AP1G1: variants seen among roughly 807,000 people sequenced by gnomAD.
The protein encoded by AP1G1 is AP-1 complex subunit gamma-1.
AP1G1 carries 7 observed loss-of-function variants against 108.3 expected under a neutral mutation model. The observed-to-expected ratio is 0.06, with a 90% CI of 0.04 to 0.12. AP1G1 has a LOEUF of 0.12. Ranked by LOEUF, AP1G1 falls within the 10% of genes least tolerant of loss-of-function variation. AP1G1 has a pLI of 1.00. For missense variants in AP1G1, 756 were observed against 1,010.7 expected (o/e 0.75, Z 3.42); for synonymous variants, 379 against 353.5 (o/e 1.07, Z -0.81).
At chr16:71,805,389 C>T (rs903834367) in intron 1 of AP1G1, among the ~76,000 whole-genome samples, 3 of 150,224 alleles carry the variant, frequency 2.0e-5, no homozygotes, top group Non-Finnish European at 4.4e-5. Flanking sequence ...GTGGAGGTTG[C>T]ACAGTGAGCC....
chr16:71,746,502 A>G (rs755820794), intron 17 of AP1G1, 86 bp downstream of exon 17: 2 of 823,996 alleles, frequency 2.4e-6, no homozygotes, highest in Non-Finnish European at 3.8e-6. Flanking sequence ...AATAAAGCAC[A>G]AGGAATGAAT....
In AP1G1 at chr16:71,740,931, T is replaced by TCA. The variant is rs138589422; in HGVS notation, c.2000-1592_2000-1591dup. 9.2e-5 allele frequency among the ~76,000 whole-genome samples: 14 copies of TCA among 152,134 alleles called. No individual in the cohort carries two copies. The East Asian group carries it at 9.6e-4, about 10-fold the overall frequency. On this transcript the variant is annotated intron_variant, in intron 19 of 22. Coordinates refer to ENST00000299980, the MANE Select transcript of AP1G1 (RefSeq NM_001128.6). ...TGTTAAATGCTGTATAATAAAATTT[T>TCA]CACACACACACACGCACCCTGTGAG...
intron 2 of AP1G1, among the ~76,000 whole-genome samples, chr16:71,789,065 C>T (rs1358884783): frequency 2.0e-5 from 3 of 152,206 alleles, no homozygotes; most frequent in Non-Finnish European, 4.4e-5. Context: ...AACATTCTCT[C>T]ATCCGTATAA....
intron 19 of AP1G1, among the ~76,000 whole-genome samples, chr16:71,739,752 A>T (rs1325891453): frequency 6.6e-6 from 1 of 151,850 alleles, no homozygotes; most frequent in South Asian, 2.1e-4. Context: ...GTCGCAAAAA[A>T]AAAAAAAAAA....
intron 12 of AP1G1, 74 bp downstream of exon 12, chr16:71,755,945 C>T: frequency 6.6e-7 from 1 of 1,522,312 alleles, no homozygotes; most frequent in Non-Finnish European, 8.9e-7. Flanking sequence ...CGCCCAGCCC[C>T]CTCCCCATGT....
intron 1 of AP1G1, among the ~76,000 whole-genome samples, chr16:71,803,690 C>T (rs1379817921): frequency 6.6e-6 from 1 of 152,084 alleles, no homozygotes; most frequent in Non-Finnish European, 1.5e-5. Context: ...TTTGGGAGGC[C>T]AAGGCTGGTG....
chr16:71,737,005 A>G (rs1032379052), intron 21 of AP1G1, among the ~76,000 whole-genome samples: 3 of 152,190 alleles, frequency 2.0e-5, no homozygotes, highest in Non-Finnish European at 4.4e-5. Context: ...GCAGCAGCCT[A>G]AAGTAACAAG....
intron 21 of AP1G1, 130 bp downstream of exon 21, chr16:71,738,812 A>G (rs568896446): frequency 6.1e-6 from 5 of 820,370 alleles, no homozygotes; most frequent in South Asian, 3.9e-5. Flanking sequence ...AAGCTACATT[A>G]TTGTTAGTTT....
intron 9 of AP1G1, 69 bp from the exon 10 acceptor site, chr16:71,761,636 G>T (rs377758776): frequency 8.2e-7 from 1 of 1,214,578 alleles, no homozygotes; most frequent in Non-Finnish European, 1.2e-6. Context: ...GAGTTTAAAG[G>T]ATCACTTCAT....
chr16:71,788,287 A>G (rs556865562), intron 2 of AP1G1, among the ~76,000 whole-genome samples: 1 of 152,326 alleles, frequency 6.6e-6, no homozygotes, highest in Admixed American at 6.5e-5. Flanking sequence ...TATTTAGCAT[A>G]TAATACAATT....
rs1331671779 is a variant in AP1G1, at chr16:71,730,625, G to A, written c.*2433C>T. On this transcript the variant is annotated 3_prime_UTR_variant, in exon 23 of 23. Transcript: ENST00000299980. ...ATTCTGATCCTAGAAACTAAGGCAC[G>A]CTGAAGCTTTCAAAGATCCAATCAT... 6 of 152,606 alleles carry A rather than the reference G, an allele frequency of 3.9e-5. No individual in the cohort carries two copies. The highest frequency in any genetic ancestry group is 1.2e-4 in the African/African-American group (5 of 41,436). The allele number at this position is 152,606 out of a possible 1,614,324, so 9.5% of individuals were successfully genotyped here.
rs184474340 is a variant in AP1G1, at chr16:71,791,853, C to T, written c.-3-2371G>A. 4.8e-3 allele frequency among the ~76,000 whole-genome samples: 721 copies of T among 151,180 alleles called. 16 individuals carry two copies. Among genetic ancestry groups the T allele is most frequent in the South Asian group, 1.5e-3 (7 of 4,780 alleles). ...CTCGGCTCACTGCAACCTCCACCTC[C>T]TGGGTTCAAGCACTTCTCCTGCCTC... is the stretch of plus-strand genomic sequence containing the variant. On this transcript the variant is annotated intron_variant, in intron 1 of 22. Coordinates refer to ENST00000299980, the MANE Select transcript of AP1G1 (RefSeq NM_001128.6).
Position 71,808,823 on chromosome 16 carries a change from A to C in AP1G1, c.-64T>G, listed in dbSNP as rs1375934734. On this transcript the variant is annotated 5_prime_UTR_variant, in exon 1 of 23. Coordinates refer to ENST00000299980, the MANE Select transcript of AP1G1 (RefSeq NM_001128.6). ...GGGCGGCGGCAGCAGTGGCAGCAGG[A>C]ACCGAACATCCAAAATGGCGGCTCC... 4 of 1,289,356 alleles carry C rather than the reference A, an allele frequency of 3.1e-6. No homozygotes were observed. In the African/African-American group the frequency reaches 6.1e-5, roughly 20 times the overall value. The allele number at this position is 1,289,356 out of a possible 1,614,324, so 79.9% of individuals were successfully genotyped here. A position where few individuals can be genotyped will look rare whatever the true frequency, so the allele number is the denominator to read the frequency against.
Position 71,752,986 on chromosome 16 carries a change from C to T in AP1G1, c.1284+847G>A, listed in dbSNP as rs780546535. The stretch of plus-strand genomic sequence containing the variant: ...TTCATAGATTGAATATATTAATATG[C>T]TGTCATAAGTTAATGTTTTCCCCAG... On this transcript the variant is annotated intron_variant, in intron 13 of 22. Transcript: ENST00000299980. Among the ~76,000 whole-genome samples, 225 of 152,192 alleles carry T rather than the reference C, an allele frequency of 1.5e-3. 2 individuals are homozygous for T. The highest frequency in any genetic ancestry group is 3.2e-4 in the Non-Finnish European group (22 of 68,000).
In AP1G1 at chr16:71,769,536, C is replaced by CA. The variant is rs369905839; in HGVS notation, c.642+86dup. The CA allele has an allele frequency of 9.4e-3, 12,107 of 1,289,710 alleles. 39 individuals are homozygous for CA. The highest frequency in any genetic ancestry group is 0.012 in the Middle Eastern group (47 of 3,904). 79.9% of individuals were successfully genotyped at this position (1,289,710 alleles called of 1,614,324 possible). A position where few individuals can be genotyped will look rare whatever the true frequency, so the allele number is the denominator to read the frequency against. On this transcript the variant is annotated intron_variant, in intron 6 of 22. Coordinates refer to ENST00000299980, the MANE Select transcript of AP1G1 (RefSeq NM_001128.6). The stretch of plus-strand genomic sequence containing the variant: ...CTTATTCAGATCCATAGCTTGCTTT[C>CA]AAAAAAAAATAAGAAGAAAATCATG...
At position 71,771,245 on chromosome 16, in the gene AP1G1, A is replaced by G; in HGVS notation, c.476T>C (p.Leu159Pro). The G allele has an allele frequency of 6.5e-7, 1 of 1,549,462 alleles. No individual in the cohort carries two copies. ...TTTCCTGATGACATGAACAGCACAC[A>G]GTGCTGCCTATGAAAAAAAAAATAA... ...SNSYLRKKAALCAVHVIRKVP... is the reference protein window; with the variant it reads ...SNSYLRKKAAPCAVHVIRKVP... The change falls in exon 5 of 23, where the codon CTG (leucine) becomes CCG (proline). Residue 159 changes from leucine to proline, a missense_variant. By Grantham distance (98) the Leu-to-Pro change is moderately conservative. Coordinates refer to ENST00000299980, the MANE Select transcript of AP1G1 (RefSeq NM_001128.6).
chr16:71,807,916 C>A, intron 1 of AP1G1: 1 of 1,280,670 alleles, frequency 7.8e-7, no homozygotes, highest in Non-Finnish European at 1.0e-6. Flanking sequence ...GTATTCAGCA[C>A]AGGGAGGGAA....
intron 11 of AP1G1, 39 bp from the exon 12 acceptor site, chr16:71,756,198 A>G: frequency 1.9e-6 from 3 of 1,584,542 alleles, no homozygotes; most frequent in Non-Finnish European, 2.6e-6. Context: ...TAAGAAATTT[A>G]TAGTGGAAAT....
chr16:71,785,741 G>A (rs1325861133), intron 2 of AP1G1, among the ~76,000 whole-genome samples: 2 of 152,046 alleles, frequency 1.3e-5, no homozygotes, highest in Non-Finnish European at 2.9e-5. Context: ...AATTAGCCAG[G>A]CATGGTGGCA....
Sources: gnomAD v4.1 joint callset for allele counts (sites outside exome capture counted in the v4.1 genomes callset) on GRCh38, gnomAD v4.1.1 for gene constraint, MANE v1.5 for transcripts, NCBI Gene and HGNC (gene_info 2026-07-23, HGNC 2026-07-21) for gene names.